Variants in NTRK3 observed in about 807,000 individuals in gnomAD.
NTRK3 encodes the protein NT-3 growth factor receptor.
In NTRK3, 24 loss-of-function variants were observed where a neutral mutation model predicts 91.7. The ratio of observed to expected loss-of-function variants is 0.26; its 90% CI spans 0.19 to 0.37. NTRK3 has a LOEUF of 0.37. Ranked by LOEUF, NTRK3 falls within the 10% of genes least tolerant of loss-of-function variation. NTRK3 has a pLI of 1.00. For synonymous variants in NTRK3, 483 were observed against 404.0 expected, an observed-to-expected ratio of 1.20 and a Z score of -2.34; for missense variants, 880 against 1,068.9, an observed-to-expected ratio of 0.82 and a Z score of 2.46.
intron 13 of NTRK3, among the ~76,000 whole-genome samples, chr15:88,064,386 G>A (rs1198419353): frequency 6.6e-6 from 1 of 152,132 alleles, no homozygotes; most frequent in Non-Finnish European, 1.5e-5. Context: ...CGTCCTTCAA[G>A]GCCACACCCT....
chr15:88,008,926 G>GCCCC (rs1443518588), intron 14 of NTRK3, among the ~76,000 whole-genome samples: 1 of 152,072 alleles, frequency 6.6e-6, no homozygotes, highest in Non-Finnish European at 1.5e-5. Context: ...TCACAGACCA[G>GCCCC]CCCCCCTCGG....
At chr15:88,197,841 G>A (rs1348068372) in intron 3 of NTRK3, among the ~76,000 whole-genome samples, 1 of 152,066 alleles carries the variant, frequency 6.6e-6, no homozygotes, top group Non-Finnish European at 1.5e-5. Flanking sequence ...TCTCCCCTCT[G>A]GTTCTTCCCT....
chr15:88,053,868 T>C (rs566233234), intron 13 of NTRK3, among the ~76,000 whole-genome samples: 2 of 152,296 alleles, frequency 1.3e-5, no homozygotes, highest in South Asian at 4.1e-4. Context: ...AAAATCAGAA[T>C]TTCATGTCCT....
chr15:88,091,176 T>C (rs1345814416), intron 13 of NTRK3, among the ~76,000 whole-genome samples: 2 of 151,966 alleles, frequency 1.3e-5, no homozygotes, highest in Non-Finnish European at 2.9e-5. Context: ...TCTTTACTGA[T>C]GAAAGGGGAA....
In NTRK3 at chr15:88,241,807, C is replaced by T. The variant is rs1288526048; in HGVS notation, c.248+14099G>A. ...CCGAGAACATGGCCCCGGGAATGGA[C>T]GGAATCTGCCGTGCACTCTCAGCAA... On this transcript the variant is annotated intron_variant, in intron 3 of 18. Transcript: ENST00000394480. This position sits in a 1 kb window ranked among gnomAD's most constrained non-coding sequence, Gnocchi z 4.3. Among the ~76,000 whole-genome samples, 2 of 152,188 alleles carry T rather than the reference C, an allele frequency of 1.3e-5. No individual in the cohort carries two copies. The highest frequency in any genetic ancestry group is 2.4e-5 in the African/African-American group (1 of 41,446).
chr15:88,072,123 A>G (rs1271200976), intron 13 of NTRK3, among the ~76,000 whole-genome samples: 1 of 149,382 alleles, frequency 6.7e-6, no homozygotes, highest in Admixed American at 6.7e-5. Context: ...CTCCTGCCTC[A>G]GCCTCCTGAG....
At chr15:88,249,083 C>A (rs2141990606) in intron 3 of NTRK3, among the ~76,000 whole-genome samples, 1 of 152,264 alleles carries the variant, frequency 6.6e-6, no homozygotes, top group East Asian at 1.9e-4. Flanking sequence ...GTCCTCCATG[C>A]TTGATGATGC....
At chr15:88,166,313 T>A (rs2044940825) in intron 5 of NTRK3, among the ~76,000 whole-genome samples, 1 of 152,148 alleles carries the variant, frequency 6.6e-6, no homozygotes, top group Non-Finnish European at 1.5e-5. Context: ...TACATCTGGG[T>A]CTAGATCCCA....
At chr15:88,039,879 A>G (rs1214083433) in intron 13 of NTRK3, among the ~76,000 whole-genome samples, 1 of 152,212 alleles carries the variant, frequency 6.6e-6, no homozygotes, top group Non-Finnish European at 1.5e-5. Context: ...ATGATTGGCT[A>G]GCAACTTAGA....
At chr15:88,134,016 T>C (rs1017938150) in intron 10 of NTRK3, among the ~76,000 whole-genome samples, 3 of 152,250 alleles carry the variant, frequency 2.0e-5, no homozygotes, top group Admixed American at 6.5e-5. Context: ...GACTGTGAAG[T>C]TGACTTCATA....
At chr15:88,142,499 C>T (rs969140776) in intron 6 of NTRK3, among the ~76,000 whole-genome samples, 1 of 152,208 alleles carries the variant, frequency 6.6e-6, no homozygotes, top group African/African-American at 2.4e-5. Flanking sequence ...TGATTCCCTC[C>T]GGTCATCACT....
intron 3 of NTRK3, among the ~76,000 whole-genome samples, chr15:88,200,435 A>G (rs983011259): frequency 6.6e-6 from 1 of 152,098 alleles, no homozygotes; most frequent in African/African-American, 2.4e-5. Context: ...CTGTGCCCCC[A>G]CCCAAATCTC....
Position 88,095,651 on chromosome 15 carries a change from A to G in NTRK3, c.1396+30620T>C, listed in dbSNP as rs982717470. On this transcript the variant is annotated intron_variant, in intron 13 of 18. Transcript: ENST00000394480. ...GCAAGAAAACCAGTTGAATCCAAATAAATAGGTGCATAACCCTCCCCAGGT... is the reference window on the plus strand; with the variant it reads ...GCAAGAAAACCAGTTGAATCCAAATGAATAGGTGCATAACCCTCCCCAGGT... Among the ~76,000 whole-genome samples the G allele has an allele frequency of 6.6e-5, 10 of 152,362 alleles. 1 individual carries two copies. In the South Asian group the frequency reaches 2.1e-3, roughly 32 times the overall value.
intron 14 of NTRK3, among the ~76,000 whole-genome samples, chr15:88,008,317 G>A (rs935048218): frequency 6.6e-6 from 1 of 152,112 alleles, no homozygotes; most frequent in Non-Finnish European, 1.5e-5. Flanking sequence ...AACTCACTAG[G>A]TCTCTTGGGG....
At chr15:87,994,176 G>A (rs1195211478) in intron 14 of NTRK3, among the ~76,000 whole-genome samples, 1 of 152,218 alleles carries the variant, frequency 6.6e-6, no homozygotes, top group African/African-American at 2.4e-5. Flanking sequence ...ATGGGCTGGG[G>A]AGCGGGAGAC....
Position 88,140,531 on chromosome 15 carries a change from C to T in NTRK3, c.465-2970G>A, listed in dbSNP as rs571237458. Among the ~76,000 whole-genome samples the T allele has an allele frequency of 2.6e-5, 4 of 152,328 alleles. No individual in the cohort carries two copies. In the East Asian group the frequency reaches 5.8e-4, roughly 22 times the overall value. On this transcript the variant is annotated intron_variant, in intron 6 of 18. Transcript: ENST00000394480. ...ATTCACTCTCAAACAAAACTACTGA[C>T]GGCCTCAAAGAGCTGTTGTTTATGT...
chr15:87,921,848 T>G (rs1486385336), intron 17 of NTRK3, among the ~76,000 whole-genome samples: 1 of 151,798 alleles, frequency 6.6e-6, no homozygotes, highest in Non-Finnish European at 1.5e-5. Context: ...CTGGAATGCC[T>G]AATCTTGCTA....
chr15:88,133,236 G>T (rs1240312736), intron 10 of NTRK3, among the ~76,000 whole-genome samples: 3 of 152,172 alleles, frequency 2.0e-5, no homozygotes, highest in Non-Finnish European at 4.4e-5. Flanking sequence ...AGGGGCTGCT[G>T]CATCTCGTGG....
chr15:87,899,823 C>T (rs1291831176), intron 17 of NTRK3, among the ~76,000 whole-genome samples: 1 of 152,168 alleles, frequency 6.6e-6, no homozygotes, highest in Non-Finnish European at 1.5e-5. Context: ...TCTAGCTTCT[C>T]TGAGCTGGAG....
Sources: gnomAD v4.1 joint callset for allele counts (sites outside exome capture counted in the v4.1 genomes callset) on GRCh38, gnomAD v4.1.1 for gene constraint, Gnocchi (gnomAD v3.1) non-coding constraint, MANE v1.5 for transcripts, NCBI Gene and HGNC (gene_info 2026-07-23, HGNC 2026-07-21) for gene names.